Variants in PDS5A observed in about 807,000 individuals in gnomAD.
The protein encoded by PDS5A is sister chromatid cohesion protein PDS5 homolog A.
PDS5A carries 42 observed loss-of-function variants against 167.1 expected under a neutral mutation model. The observed-to-expected ratio is 0.25, with a 90% CI of 0.20 to 0.33. The LOEUF is 0.33. Among genes scored for constraint, PDS5A ranks in the 10% least tolerant of loss-of-function variants. PDS5A has a pLI of 1.00. For synonymous variants in PDS5A, 553 were observed against 554.6 expected, an observed-to-expected ratio of 1.00 and a Z score of 0.04; for missense variants, 1,033 against 1,605.9, an observed-to-expected ratio of 0.64 and a Z score of 6.10.
At chr4:39,839,670 C>T (rs1230331342) in intron 31 of PDS5A, among the ~76,000 whole-genome samples, 2 of 145,330 alleles carry the variant, frequency 1.4e-5, no homozygotes, top group African/African-American at 5.2e-5. Context: ...TTTAATGTAC[C>T]CAAGGGTAAT....
At chr4:39,931,759 G>C (rs189449143) in intron 2 of PDS5A, among the ~76,000 whole-genome samples, 1 of 152,120 alleles carries the variant, frequency 6.6e-6, no homozygotes, top group Non-Finnish European at 1.5e-5. Context: ...TGTTGCAGGG[G>C]ACTATACAAG....
intron 18 of PDS5A, among the ~76,000 whole-genome samples, chr4:39,879,048 A>G (rs567226535): frequency 6.6e-5 from 10 of 152,208 alleles, no homozygotes; most frequent in Admixed American, 5.9e-4. Flanking sequence ...AGCTGAATGA[A>G]ATGATATTTA....
chr4:39,913,851 T>C (rs1420879309), intron 8 of PDS5A, 125 bp from the exon 9 acceptor site: 3 of 632,720 alleles, frequency 4.7e-6, no homozygotes, highest in Middle Eastern at 2.7e-4. Flanking sequence ...GTTTAAAATA[T>C]CATATGTCCT....
At chr4:39,907,620 T>C (rs1290780154) in intron 11 of PDS5A, among the ~76,000 whole-genome samples, 1 of 151,092 alleles carries the variant, frequency 6.6e-6, no homozygotes, top group African/African-American at 2.4e-5. Context: ...AGAGTCTCGC[T>C]TTGTCACCCA....
intron 2 of PDS5A, among the ~76,000 whole-genome samples, chr4:39,961,871 G>A (rs533943042): frequency 6.6e-6 from 1 of 152,226 alleles, no homozygotes; most frequent in African/African-American, 2.4e-5. Flanking sequence ...CTTCATACAT[G>A]TCAATGTTAC....
At chr4:39,941,875 T>G (rs1727254982) in intron 2 of PDS5A, among the ~76,000 whole-genome samples, 1 of 152,180 alleles carries the variant, frequency 6.6e-6, no homozygotes, top group Non-Finnish European at 1.5e-5. Flanking sequence ...TGCAGTGAAC[T>G]ATGACTGCAC....
intron 17 of PDS5A, among the ~76,000 whole-genome samples, chr4:39,886,766 T>C (rs1364966067): frequency 6.6e-6 from 1 of 152,106 alleles, no homozygotes; most frequent in African/African-American, 2.4e-5. Context: ...ATGGAATATC[T>C]TTCCATTTTT....
intron 2 of PDS5A, among the ~76,000 whole-genome samples, chr4:39,975,661 A>G (rs1731018201): frequency 6.6e-6 from 1 of 152,198 alleles, no homozygotes; most frequent in South Asian, 2.1e-4. Flanking sequence ...TCTAGCACCA[A>G]TTGTGACAAC....
intron 2 of PDS5A, among the ~76,000 whole-genome samples, chr4:39,953,548 T>C (rs1728617422): frequency 1.3e-5 from 2 of 150,958 alleles, no homozygotes; most frequent in South Asian, 4.2e-4. Context: ...CTGGAAAACA[T>C]AGTGAGACCT....
chr4:39,832,030 C>T (rs1331017799), intron 32 of PDS5A, among the ~76,000 whole-genome samples: 1 of 150,450 alleles, frequency 6.6e-6, no homozygotes, highest in Admixed American at 6.6e-5. Flanking sequence ...ACAAGAATCC[C>T]TTGAATGAAC....
Position 39,873,063 on chromosome 4 carries a change from C to T in PDS5A, c.2359G>A (p.Ala787Thr). 1.3e-6 allele frequency: 2 copies of T among 1,558,090 alleles called. No homozygotes were observed. Among genetic ancestry groups the T allele is most frequent in the Non-Finnish European group, 1.8e-6 (2 of 1,142,136 alleles). Residue 787 changes from alanine to threonine, a missense_variant, in exon 21 of 33, where the codon GCA (alanine) becomes ACA (threonine). Ala to Thr is a moderately conservative substitution (Grantham distance 58). This residue lies in a region of PDS5A where 367 missense variants were observed against 686.7 expected (regional missense o/e 0.53). Coordinates refer to ENST00000303538, the MANE Select transcript of PDS5A (RefSeq NM_001100399.2). ...ATTGGGGAAGCAAACTGATCTGGTG[C>T]TAACATAGAAATGTGGCCCAATGAA... ...LVSLGHISML[A>T]PDQFASPMKS...
intron 18 of PDS5A, among the ~76,000 whole-genome samples, chr4:39,879,193 T>A (rs904630851): frequency 3.3e-5 from 5 of 152,144 alleles, no homozygotes; most frequent in African/African-American, 1.2e-4. Context: ...CTCAATCCAA[T>A]GAAAGCTCTA....
In PDS5A at chr4:39,921,705, T is replaced by C. The variant is rs192410709; in HGVS notation, c.654+917A>G. Among the ~76,000 whole-genome samples the C allele has an allele frequency of 4.2e-4, 63 of 151,296 alleles. No individual in the cohort carries two copies. In the East Asian group the frequency reaches 8.9e-3, roughly 21 times the overall value. Reference sequence around the variant, plus strand: ...AGACAGAGGCGGCAATGAGCCAAGATAGTGCCGCTGCACTCCAGCCTAGGT... The same window carrying C: ...AGACAGAGGCGGCAATGAGCCAAGACAGTGCCGCTGCACTCCAGCCTAGGT... On this transcript the variant is annotated intron_variant, in intron 6 of 32. Coordinates refer to ENST00000303538, the MANE Select transcript of PDS5A (RefSeq NM_001100399.2).
Position 39,977,174 on chromosome 4 carries a change from C to G in PDS5A, c.-41+283G>C, listed in dbSNP as rs1731194245. On this transcript the variant is annotated intron_variant, in intron 1 of 32. Transcript: ENST00000303538. The surrounding 1 kb of genome is among the most constrained non-coding windows in gnomAD (Gnocchi z 4.2). ...CCCCTCCCCTGTTCCGCTCCCTCAC[C>G]CCCGCGGGAGGGGAAAACAAGCCGC... Among the ~76,000 whole-genome samples, 1 of 151,906 alleles carries G rather than the reference C, an allele frequency of 6.6e-6. No homozygotes were observed. The highest frequency in any genetic ancestry group is 1.5e-5 in the Non-Finnish European group (1 of 67,982).
intron 30 of PDS5A, among the ~76,000 whole-genome samples, chr4:39,842,911 A>ATATATATATATATATATATATGTG (rs1717177586): frequency 7.4e-5 from 5 of 67,328 alleles, no homozygotes; most frequent in African/African-American, 2.2e-4. Context: ...TCCTATTTTT[A>ATATATATATATATATATATATGTG]TATATATATA....
intron 3 of PDS5A, 24 bp downstream of exon 3, chr4:39,927,937 T>C (rs762541094): frequency 5.9e-6 from 9 of 1,525,696 alleles, no homozygotes; most frequent in Non-Finnish European, 8.2e-6. Context: ...AAAAATACAA[T>C]AAAGTGAAAA....
intron 2 of PDS5A, among the ~76,000 whole-genome samples, chr4:39,936,513 T>G (rs1157881385): frequency 6.6e-6 from 1 of 152,116 alleles, no homozygotes; most frequent in Non-Finnish European, 1.5e-5. Context: ...TGGCTCATTA[T>G]AACCTCCGCC....
chr4:39,893,093 T>A (rs1722109487), intron 16 of PDS5A, among the ~76,000 whole-genome samples: 1 of 152,178 alleles, frequency 6.6e-6, no homozygotes, highest in African/African-American at 2.4e-5. Flanking sequence ...CCAAGGACTG[T>A]TTCATTAAAT....
intron 17 of PDS5A, among the ~76,000 whole-genome samples, chr4:39,883,537 A>G (rs933125564): frequency 2.6e-5 from 4 of 152,086 alleles, no homozygotes; most frequent in African/African-American, 9.7e-5. Flanking sequence ...GTCAAAAACA[A>G]CAGCAGAAGA....
Sources: allele counts gnomAD v4.1 joint callset (sites outside exome capture counted in the v4.1 genomes callset), GRCh38; gene constraint gnomAD v4.1.1; regional missense constraint gnomAD v4.1.1; non-coding constraint Gnocchi (gnomAD v3.1); transcripts MANE v1.5; gene names NCBI Gene and HGNC (gene_info 2026-07-23, HGNC 2026-07-21).